RHCG: variants seen among roughly 807,000 people sequenced by gnomAD.
RHCG encodes the protein ammonium transporter Rh type C.
A neutral mutation model predicts 55.3 loss-of-function variants in RHCG; 39 were observed. The observed-to-expected ratio is 0.70, with a 90% CI of 0.55 to 0.92. RHCG has a LOEUF of 0.92. Among genes scored for constraint, RHCG ranks in the 40% least tolerant of loss-of-function variants. The pLI is 0.00. For synonymous variants in RHCG, 250 were observed against 246.8 expected, an observed-to-expected ratio of 1.01 and a Z score of -0.12; for missense variants, 635 against 627.9, an observed-to-expected ratio of 1.01 and a Z score of -0.12.
rs540884072 is a variant in RHCG, at chr15:89,481,996, T to A, written c.522+1071A>T. Among the ~76,000 whole-genome samples, 3 of 152,304 alleles carry A rather than the reference T, an allele frequency of 2.0e-5. No individual in the cohort carries two copies. In the South Asian group the frequency reaches 6.2e-4, roughly 32 times the overall value. Reference sequence around the variant, plus strand: ...TTTGTATTTTAAGGAGAGACAGGGTTTCGCCATGTTGGCCAGGCTGGTCTC... The same window carrying A: ...TTTGTATTTTAAGGAGAGACAGGGTATCGCCATGTTGGCCAGGCTGGTCTC... On this transcript the variant is annotated intron_variant, in intron 3 of 10. Transcript: ENST00000268122.
rs1020781017 is a variant in RHCG at position 89,477,370 on chromosome 15, T to A, written c.1112+147A>T. The A allele has an allele frequency of 2.9e-6, 4 of 1,389,406 alleles. No homozygotes were observed. The African/African-American group carries it at 5.8e-5, about 20-fold the overall frequency. The allele number at this position is 1,389,406 out of a possible 1,614,324, so 86.1% of individuals were successfully genotyped here. On this transcript the variant is annotated intron_variant, in intron 7 of 10. Coordinates refer to ENST00000268122, the MANE Select transcript of RHCG (RefSeq NM_016321.3). This position sits in a 1 kb window ranked among gnomAD's most constrained non-coding sequence, Gnocchi z 4.5. ...GCCTCTAAAACTCTAAGGGACAGAGTTTGGGGAGAGAGACCCATGAAACAA... is the reference window on the plus strand; with the variant it reads ...GCCTCTAAAACTCTAAGGGACAGAGATTGGGGAGAGAGACCCATGAAACAA...
At chr15:89,476,089 C>T (rs974331551) in intron 9 of RHCG, among the ~76,000 whole-genome samples, 3 of 151,242 alleles carry the variant, frequency 2.0e-5, no homozygotes, top group Admixed American at 6.6e-5. Flanking sequence ...CTGTCTCTCT[C>T]GGGATCTTGC....
chr15:89,482,092 G>A (rs1286165132), intron 3 of RHCG, among the ~76,000 whole-genome samples: 2 of 152,142 alleles, frequency 1.3e-5, no homozygotes, highest in African/African-American at 4.8e-5. Context: ...GTGAGCCACC[G>A]TGCTTGGCCT....
Position 89,496,452 on chromosome 15 carries a change from G to C in RHCG, c.93C>G (p.Arg31=), listed in dbSNP as rs1306147790. The change falls in exon 1 of 11, where the codon CGC becomes CGG. Residue 31 remains arginine, a synonymous_variant. Transcript: ENST00000268122. ...IMVILFGVFV[R]YDFEADAHWW... ...AGTGGGCGTCGGCCTCGAAGTCGTAGCGCACGAACACCCCGAAGAGAATCA... is the reference window on the plus strand; with the variant it reads ...AGTGGGCGTCGGCCTCGAAGTCGTACCGCACGAACACCCCGAAGAGAATCA... The C allele has an allele frequency of 2.5e-6, 4 of 1,614,060 alleles. No homozygotes were observed. In the South Asian group the frequency reaches 4.4e-5, roughly 18 times the overall value.
intron 5 of RHCG, 93 bp downstream of exon 5, chr15:89,479,229 G>A (rs1043637907): frequency 4.5e-6 from 6 of 1,342,168 alleles, no homozygotes; most frequent in Non-Finnish European, 6.1e-6. Flanking sequence ...AGATGGGTGT[G>A]ATGATCCCCT....
chr15:89,496,479 C>T lies in RHCG; in HGVS notation c.66G>A (p.Met22Ile). Reference sequence around the variant, plus strand: ...GCACGAACACCCCGAAGAGAATCACCATAATCACCTGCAGGAGCAGGCAGG... The same window carrying T: ...GCACGAACACCCCGAAGAGAATCACTATAATCACCTGCAGGAGCAGGCAGG... Reference protein sequence around the residue: ...PLTCLLLQVIMVILFGVFVRY... With the variant: ...PLTCLLLQVIIVILFGVFVRY... The change falls in exon 1 of 11, where the codon ATG (methionine) becomes ATA (isoleucine). Residue 22 changes from methionine to isoleucine, a missense_variant. Physicochemically the swap from Met to Ile is conservative, Grantham distance 10. Coordinates refer to ENST00000268122, the MANE Select transcript of RHCG (RefSeq NM_016321.3). 9 of 1,613,948 alleles carry T rather than the reference C, an allele frequency of 5.6e-6. No individual in the cohort carries two copies. The highest frequency in any genetic ancestry group is 7.6e-6 in the Non-Finnish European group (9 of 1,179,966).
chr15:89,474,661 C>T (rs1961098046), intron 9 of RHCG, among the ~76,000 whole-genome samples: 1 of 152,248 alleles, frequency 6.6e-6, no homozygotes, highest in Non-Finnish European at 1.5e-5. Flanking sequence ...AACAATGTTC[C>T]TCAACTGCTG....
chr15:89,496,440 C>T lies in RHCG; in HGVS notation c.105G>A (p.Glu35=), dbSNP rs1165253355. The T allele has an allele frequency of 1.2e-6, 2 of 1,614,066 alleles. No homozygotes were observed. Among genetic ancestry groups the T allele is most frequent in the Non-Finnish European group, 1.7e-6 (2 of 1,179,974 alleles). Residue 35 remains glutamate (E), a synonymous_variant, in exon 1 of 11, where the codon GAG becomes GAA. Transcript: ENST00000268122. ...TCTCTGACCACCAGTGGGCGTCGGC[C>T]TCGAAGTCGTAGCGCACGAACACCC... ...LFGVFVRYDF[E]ADAHWWSERT...
At chr15:89,472,948 G>A (rs1961068532) in intron 9 of RHCG, 85 bp from the exon 10 acceptor site, 2 of 1,362,940 alleles carry the variant, frequency 1.5e-6, no homozygotes, top group Non-Finnish European at 1.9e-6. Flanking sequence ...AGCTGCAAAT[G>A]GTGTGTGGCG....
chr15:89,475,156 T>G (rs987135069), intron 9 of RHCG, among the ~76,000 whole-genome samples: 4 of 146,574 alleles, frequency 2.7e-5, no homozygotes, highest in East Asian at 2.0e-4. Flanking sequence ...ATTCCTTCCT[T>G]CCTTCCTGCC....
intron 10 of RHCG, among the ~76,000 whole-genome samples, chr15:89,472,248 A>G (rs2075834): frequency 0.19 from 28,654 of 152,158 alleles, 2,941 homozygotes; most frequent in South Asian, 0.25. Flanking sequence ...GCCATGAGCA[A>G]GGGCTTGGTG....
At chr15:89,485,968 G>C (rs1961350865) in intron 2 of RHCG, among the ~76,000 whole-genome samples, 1 of 152,198 alleles carries the variant, frequency 6.6e-6, no homozygotes, top group South Asian at 2.1e-4. Context: ...TTTATAACCT[G>C]TTGGTGGTGT....
intron 2 of RHCG, among the ~76,000 whole-genome samples, chr15:89,485,009 A>T (rs1306622679): frequency 6.6e-6 from 1 of 152,144 alleles, no homozygotes; most frequent in East Asian, 1.9e-4. Context: ...CCACAAGGTC[A>T]GGTCTGGGGA....
intron 1 of RHCG, among the ~76,000 whole-genome samples, chr15:89,492,365 A>G (rs1170201777): frequency 6.6e-6 from 1 of 152,170 alleles, no homozygotes; most frequent in Non-Finnish European, 1.5e-5. Context: ...CCTCTGCTGC[A>G]TCAGCACACG....
intron 1 of RHCG, among the ~76,000 whole-genome samples, chr15:89,492,340 C>T (rs546298230): frequency 6.6e-6 from 1 of 152,212 alleles, no homozygotes; most frequent in Non-Finnish European, 1.5e-5. Flanking sequence ...CACTAATGGG[C>T]CTCTGCAGCC....
At chr15:89,482,718 C>T (rs529846809) in intron 3 of RHCG, among the ~76,000 whole-genome samples, 4 of 152,346 alleles carry the variant, frequency 2.6e-5, no homozygotes, top group African/African-American at 9.6e-5. Flanking sequence ...TTCAATACAC[C>T]GGATTCCTTT....
At chr15:89,479,273 C>T (rs746998585) in intron 5 of RHCG, 49 bp downstream of exon 5, 14 of 1,579,142 alleles carry the variant, frequency 8.9e-6, no homozygotes, top group South Asian at 3.5e-5. Flanking sequence ...GATCAGCGCC[C>T]TCCAGGCCCA....
At chr15:89,475,947 T>C (rs1158914919) in intron 9 of RHCG, among the ~76,000 whole-genome samples, 5 of 152,150 alleles carry the variant, frequency 3.3e-5, no homozygotes, top group Non-Finnish European at 2.9e-5. Context: ...CCCGCCCCCT[T>C]GTTTTGGAAT....
intron 10 of RHCG, among the ~76,000 whole-genome samples, chr15:89,472,338 T>C (rs1309759168): frequency 6.6e-6 from 1 of 152,134 alleles, no homozygotes; most frequent in Non-Finnish European, 1.5e-5. Context: ...AGCAACTGAA[T>C]ACAACCAGAC....
Sources: gnomAD v4.1 joint callset for allele counts (sites outside exome capture counted in the v4.1 genomes callset) on GRCh38, gnomAD v4.1.1 for gene constraint, Gnocchi (gnomAD v3.1) non-coding constraint, MANE v1.5 for transcripts, NCBI Gene and HGNC (gene_info 2026-07-23, HGNC 2026-07-21) for gene names.